The following MYO9A variants were observed in gnomAD, a reference collection of about 807,000 sequenced individuals.
The protein encoded by MYO9A is unconventional myosin-IXa.
In MYO9A, 103 loss-of-function variants were observed where a neutral mutation model predicts 293.3. The observed-to-expected ratio is 0.35, with a 90% CI of 0.30 to 0.41. The LOEUF (loss-of-function observed/expected upper bound fraction) is 0.41, where lower values mean the gene tolerates loss of function less well. MYO9A is among the 10% of genes least tolerant of loss of function. The pLI, the probability that MYO9A is intolerant of heterozygous loss-of-function variation, is 1.00. For synonymous variants in MYO9A, 1,001 were observed against 1,035.7 expected, an observed-to-expected ratio of 0.97 and a Z score of 0.64; for missense variants, 2,685 against 3,033.0, an observed-to-expected ratio of 0.89 and a Z score of 2.69.
intron 1 of MYO9A, among the ~76,000 whole-genome samples, chr15:72,102,653 T>C (rs2080397862): frequency 6.6e-6 from 1 of 152,134 alleles, no homozygotes; most frequent in Non-Finnish European, 1.5e-5. Flanking sequence ...TCAGTAGTTA[T>C]ACACGTCTCT....
At chr15:71,882,805 T>A (rs1384391649) in intron 28 of MYO9A, among the ~76,000 whole-genome samples, 1 of 152,116 alleles carries the variant, frequency 6.6e-6, no homozygotes, top group Non-Finnish European at 1.5e-5. Context: ...ATAACTTTTC[T>A]TTTTTATTTA....
chr15:71,917,509 C>T (rs984947593), intron 18 of MYO9A, among the ~76,000 whole-genome samples: 2 of 151,984 alleles, frequency 1.3e-5, no homozygotes, highest in East Asian at 1.9e-4. Context: ...CACACCAGCC[C>T]GGGCAACAGT....
intron 15 of MYO9A, among the ~76,000 whole-genome samples, chr15:71,948,951 TG>T (rs777963302): frequency 2.5e-3 from 129 of 51,678 alleles, no homozygotes; most frequent in Non-Finnish European, 5.7e-3. Flanking sequence ...ATTTTTTTTG[TG>T]AGGGGGGGGG....
chr15:72,099,255 A>G (rs1049097727), intron 1 of MYO9A, among the ~76,000 whole-genome samples: 2 of 151,972 alleles, frequency 1.3e-5, no homozygotes, highest in African/African-American at 2.4e-5. Flanking sequence ...TCTGGCCTAC[A>G]TGGTGAAACC....
At chr15:72,081,418 T>C (rs1336521904) in intron 1 of MYO9A, among the ~76,000 whole-genome samples, 1 of 152,122 alleles carries the variant, frequency 6.6e-6, no homozygotes, top group African/African-American at 2.4e-5. Context: ...GTTTTCTTCT[T>C]GTAAATTTAA....
At chr15:71,957,326 A>T (rs1430939954) in intron 14 of MYO9A, among the ~76,000 whole-genome samples, 1 of 152,144 alleles carries the variant, frequency 6.6e-6, no homozygotes, top group African/African-American at 2.4e-5. Flanking sequence ...CAGGGTTCTG[A>T]CAAAGTTGTT....
chr15:71,985,532 C>A (rs907213799), intron 11 of MYO9A, among the ~76,000 whole-genome samples: 4 of 152,156 alleles, frequency 2.6e-5, no homozygotes, highest in Non-Finnish European at 4.4e-5. Context: ...CTTTAGGGAT[C>A]TCAACCTAAA....
chr15:72,081,132 G>C (rs1323938568), intron 1 of MYO9A, among the ~76,000 whole-genome samples: 1 of 152,110 alleles, frequency 6.6e-6, no homozygotes, highest in Non-Finnish European at 1.5e-5. Flanking sequence ...GGTCACTGAG[G>C]AATCACCACA....
intron 32 of MYO9A, among the ~76,000 whole-genome samples, chr15:71,869,025 A>C (rs1005093027): frequency 3.9e-5 from 6 of 151,960 alleles, no homozygotes; most frequent in Non-Finnish European, 8.8e-5. Context: ...GCTTGTCTTT[A>C]GAGCAAAAAT....
In MYO9A at chr15:71,967,976, T is replaced by G. The variant is rs1462211654; in HGVS notation, c.1986+8A>C. Reference sequence around the variant, plus strand: ...CCTGTAAGCATATTCAGTGAGAAATTTACTGACCTTTACCCCATATTTTAC... The same window carrying G: ...CCTGTAAGCATATTCAGTGAGAAATGTACTGACCTTTACCCCATATTTTAC... On this transcript the variant is annotated splice_region_variant and intron_variant, in intron 13 of 41. Transcript: ENST00000356056. The G allele has an allele frequency of 6.2e-7, 1 of 1,601,582 alleles. No homozygotes were observed. The highest frequency in any genetic ancestry group is 1.7e-4 in the Middle Eastern group (1 of 6,040).
chr15:72,095,882 C>A (rs2080046344), intron 1 of MYO9A, among the ~76,000 whole-genome samples: 1 of 151,782 alleles, frequency 6.6e-6, no homozygotes, highest in Non-Finnish European at 1.5e-5. Flanking sequence ...GAGTTCAAGA[C>A]CAGCCTGGCC....
rs781366403 is a variant in MYO9A at position 71,899,895 on chromosome 15, G to A, written c.3262C>T (p.His1088Tyr). The change falls in exon 24 of 42, where the codon CAC becomes TAC. Residue 1088 changes from histidine to tyrosine, a missense_variant. By Grantham distance (83) the His-to-Tyr change is moderately conservative (BLOSUM62 2). Coordinates refer to ENST00000356056, the MANE Select transcript of MYO9A (RefSeq NM_006901.4). ...AALLQASWRA[H>Y]LERQRYLELR... ...TCCAAGTACCGCTGCCTCTCTAAGTGAGCACGCCAGGAAGCTTGGAGAAGA... is the reference window on the plus strand; with the variant it reads ...TCCAAGTACCGCTGCCTCTCTAAGTAAGCACGCCAGGAAGCTTGGAGAAGA... 42 of 1,614,046 alleles carry A rather than the reference G, an allele frequency of 2.6e-5. No individual in the cohort carries two copies. The highest frequency in any genetic ancestry group is 3.5e-5 in the Non-Finnish European group (41 of 1,180,030).
chr15:71,887,853 G>A (rs1171276715), intron 27 of MYO9A, 151 bp downstream of exon 27: 2 of 473,166 alleles, frequency 4.2e-6, no homozygotes, highest in Middle Eastern at 5.5e-4. Context: ...TAAACAGTAG[G>A]TACTTACCAT....
chr15:71,889,339 A>G (rs2057110559), intron 26 of MYO9A: 1 of 152,112 alleles, frequency 6.6e-6, no homozygotes, highest in Admixed American at 6.6e-5. Context: ...GCCAGAGCAT[A>G]TAACTTTATG....
intron 1 of MYO9A, among the ~76,000 whole-genome samples, chr15:72,109,019 T>C (rs916633157): frequency 6.6e-6 from 1 of 152,118 alleles, no homozygotes; most frequent in Non-Finnish European, 1.5e-5. Context: ...TGCCTCGGCT[T>C]TCCAAAGTGC....
chr15:71,853,312 A>G (rs1469343412), intron 35 of MYO9A, among the ~76,000 whole-genome samples: 1 of 152,230 alleles, frequency 6.6e-6, no homozygotes, highest in Non-Finnish European at 1.5e-5. Flanking sequence ...CTTAGAGATA[A>G]AAGGACAGTG....
At position 72,059,006 on chromosome 15, in the gene MYO9A, C is replaced by T. The variant is rs371533960; in HGVS notation, c.-71-12372G>A. Among the ~76,000 whole-genome samples, 17 of 152,228 alleles carry T rather than the reference C, an allele frequency of 1.1e-4. No homozygotes were observed. In the South Asian group the frequency reaches 3.5e-3, roughly 32 times the overall value. On this transcript the variant is annotated intron_variant, in intron 1 of 41. Coordinates refer to ENST00000356056, the MANE Select transcript of MYO9A (RefSeq NM_006901.4). ...TTTTTTATCAAAAACTTTGATTCTG[C>T]TTTAGAAGTTTTACATAAATTAAAA...
rs777641901 is a variant in MYO9A, at chr15:72,020,900, C to T, written c.1098+18G>A. The T allele has an allele frequency of 1.7e-5, 25 of 1,445,214 alleles. No individual in the cohort carries two copies. Among genetic ancestry groups the T allele is most frequent in the African/African-American group, 4.5e-5 (3 of 67,110 alleles). 89.5% of individuals were successfully genotyped at this position (1,445,214 alleles called of 1,614,324 possible). On this transcript the variant is annotated intron_variant, in intron 5 of 41. Transcript: ENST00000356056. Reference sequence around the variant, plus strand: ...TAATACTGCCCTATACTTCAAAATGCTTTTTATGAACTCTCACCTGATTGA... The same window carrying T: ...TAATACTGCCCTATACTTCAAAATGTTTTTTATGAACTCTCACCTGATTGA...
intron 39 of MYO9A, among the ~76,000 whole-genome samples, chr15:71,846,563 T>C (rs1476290926): frequency 6.6e-6 from 1 of 152,138 alleles, no homozygotes; most frequent in Non-Finnish European, 1.5e-5. Context: ...AATTATAGAA[T>C]TGGTTTCAAG....
Sources: gnomAD v4.1 joint callset for allele counts (sites outside exome capture counted in the v4.1 genomes callset) on GRCh38, gnomAD v4.1.1 for gene constraint, MANE v1.5 for transcripts, NCBI Gene and HGNC (gene_info 2026-07-23, HGNC 2026-07-21) for gene names.